The following ARHGAP10 variants were observed in gnomAD, a reference collection of about 807,000 sequenced individuals.
The protein encoded by ARHGAP10 is Rho GTPase activating protein 10.
A neutral mutation model predicts 108.6 loss-of-function variants in ARHGAP10; 87 were observed. The ratio of observed to expected loss-of-function variants is 0.80; its 90% CI spans 0.67 to 0.96. The LOEUF is 0.96. Ranked by LOEUF, ARHGAP10 falls within the 40% of genes least tolerant of loss-of-function variation. The pLI, the probability that ARHGAP10 is intolerant of heterozygous loss-of-function variation, is 0.00. For synonymous variants in ARHGAP10, 347 were observed against 341.1 expected, an observed-to-expected ratio of 1.02 and a Z score of -0.19; for missense variants, 939 against 954.5, an observed-to-expected ratio of 0.98 and a Z score of 0.21.
intron 1 of ARHGAP10, among the ~76,000 whole-genome samples, chr4:147,781,480 T>C (rs1356477162): frequency 6.6e-6 from 1 of 152,196 alleles, no homozygotes; most frequent in Non-Finnish European, 1.5e-5. Flanking sequence ...TACTTTTACA[T>C]CTTAAATACC....
chr4:147,864,880 T>G lies in ARHGAP10; in HGVS notation c.521T>G (p.Phe174Cys). The G allele has an allele frequency of 6.2e-7, 1 of 1,614,124 alleles. No homozygotes were observed. The highest frequency in any genetic ancestry group is 8.5e-7 in the Non-Finnish European group (1 of 1,180,004). ...CAAGTAGAGCAGAACCGGCAACACT[T>G]CTATGAACTGTCTCTCGAGTATGTG... Reference protein sequence around the residue: ...DIQVEQNRQHFYELSLEYVCK... With the variant: ...DIQVEQNRQHCYELSLEYVCK... Residue 174 changes from phenylalanine to cysteine, a missense_variant, in exon 6 of 23, where the codon TTC becomes TGC. Coordinates refer to ENST00000336498, the MANE Select transcript of ARHGAP10 (RefSeq NM_024605.4).
chr4:147,838,315 T>C (rs1489821922), intron 3 of ARHGAP10, among the ~76,000 whole-genome samples: 2 of 152,100 alleles, frequency 1.3e-5, no homozygotes, highest in Non-Finnish European at 2.9e-5. Context: ...TTAAAAAACT[T>C]ATTCCTGAAC....
chr4:148,030,004 C>G (rs374620304), intron 19 of ARHGAP10, among the ~76,000 whole-genome samples: 3 of 151,642 alleles, frequency 2.0e-5, no homozygotes, highest in Admixed American at 6.6e-5. Flanking sequence ...TCCCCCCCCC[C>G]ACCAACCCCA....
chr4:147,945,167 A>T (rs1042444566), intron 14 of ARHGAP10, among the ~76,000 whole-genome samples: 1 of 152,130 alleles, frequency 6.6e-6, no homozygotes, highest in Non-Finnish European at 1.5e-5. Flanking sequence ...GTACCAGCCC[A>T]GAGTTCTAAG....
At chr4:147,732,843 C>T (rs1426451659) in intron 1 of ARHGAP10, among the ~76,000 whole-genome samples, 4 of 152,220 alleles carry the variant, frequency 2.6e-5, no homozygotes, top group East Asian at 1.9e-4. Flanking sequence ...AAAACCGAGG[C>T]ATCTGTTTGC....
chr4:147,966,645 G>C (rs950862083), intron 17 of ARHGAP10, 35 bp from the exon 18 acceptor site: 2 of 1,516,964 alleles, frequency 1.3e-6, no homozygotes, highest in Admixed American at 3.9e-5. Flanking sequence ...TTGCTCCTTT[G>C]GTTAAACAGA....
At chr4:147,963,426 G>A (rs1205524329) in intron 16 of ARHGAP10, among the ~76,000 whole-genome samples, 3 of 152,154 alleles carry the variant, frequency 2.0e-5, no homozygotes, top group Non-Finnish European at 4.4e-5. Context: ...TCTGTCAGCA[G>A]TAAATTTAGA....
At chr4:147,922,730 C>G (rs1031088925) in intron 13 of ARHGAP10, among the ~76,000 whole-genome samples, 6 of 152,026 alleles carry the variant, frequency 3.9e-5, no homozygotes, top group Admixed American at 3.3e-4. Context: ...CTACCTCCCA[C>G]CCAGCTTTGT....
At chr4:147,913,265 G>T in intron 13 of ARHGAP10, 126 bp downstream of exon 13, 1 of 776,490 alleles carries the variant, frequency 1.3e-6, no homozygotes, top group South Asian at 1.7e-5. Flanking sequence ...CTCATTCTGA[G>T]TATCAGAAGG....
Position 147,906,711 on chromosome 4 carries a change from A to G in ARHGAP10, c.1108A>G (p.Lys370Glu). 1 of 1,614,176 alleles carries G rather than the reference A, an allele frequency of 6.2e-7. No individual in the cohort carries two copies. The highest frequency in any genetic ancestry group is 8.5e-7 in the Non-Finnish European group (1 of 1,179,998). The change falls in exon 11 of 23, where the codon AAG becomes GAG. Residue 370 changes from lysine (K) to glutamate (E), a missense_variant. Transcript: ENST00000336498. ...GCAGTGGTTGGAAGCTCTGGGTGGA[A>G]AGGAAGCTGTAAGAATAATCAATGG... ...RKQWLEALGG[K>E]EALSHSFNTA...
chr4:147,734,005 A>C (rs1488321808), intron 1 of ARHGAP10, among the ~76,000 whole-genome samples: 1 of 788 alleles, frequency 1.3e-3, no homozygotes, highest in African/African-American at 2.3e-3. Flanking sequence ...GGTGGGAAGT[A>C]GGGGGGCGCC....
chr4:147,895,389 G>A (rs111286686), intron 10 of ARHGAP10, among the ~76,000 whole-genome samples: 11 of 151,742 alleles, frequency 7.2e-5, no homozygotes, highest in African/African-American at 2.7e-4. Flanking sequence ...AACAGCCTTA[G>A]GGCCAGGCAT....
rs893040545 is a variant in ARHGAP10 at position 147,795,761 on chromosome 4, C to G, written c.155-26966C>G. Among the ~76,000 whole-genome samples the G allele has an allele frequency of 2.0e-5, 3 of 150,366 alleles. No homozygotes were observed. The East Asian group carries it at 5.8e-4, about 29-fold the overall frequency. On this transcript the variant is annotated intron_variant, in intron 1 of 22. Coordinates refer to ENST00000336498, the MANE Select transcript of ARHGAP10 (RefSeq NM_024605.4). ...CCAGGCTGGAGTGCTGTGGCGTGATCTTGGCTCACTGTAACTTCTGCCTCC... is the reference window on the plus strand; with the variant it reads ...CCAGGCTGGAGTGCTGTGGCGTGATGTTGGCTCACTGTAACTTCTGCCTCC...
chr4:147,800,982 A>G (rs1227224578), intron 1 of ARHGAP10, among the ~76,000 whole-genome samples: 3 of 151,986 alleles, frequency 2.0e-5, no homozygotes, highest in South Asian at 2.1e-4. Context: ...ATTTTTGTAT[A>G]TTTAGTAGAG....
chr4:147,764,990 G>A (rs956757194), intron 1 of ARHGAP10, among the ~76,000 whole-genome samples: 1 of 152,172 alleles, frequency 6.6e-6, no homozygotes, highest in Non-Finnish European at 1.5e-5. Flanking sequence ...CCACAAAAAT[G>A]CCCAAGTACA....
chr4:147,998,767 G>GAAGTA (rs1560866791), intron 18 of ARHGAP10, among the ~76,000 whole-genome samples: 1 of 152,170 alleles, frequency 6.6e-6, no homozygotes, highest in Non-Finnish European at 1.5e-5. Flanking sequence ...ACATTAATTC[G>GAAGTA]TGATACCATA....
chr4:148,017,311 T>C (rs1211671251), intron 18 of ARHGAP10, among the ~76,000 whole-genome samples: 3 of 152,170 alleles, frequency 2.0e-5, no homozygotes, highest in Non-Finnish European at 4.4e-5. Context: ...AATTTATTTT[T>C]TTAATAGAAG....
At chr4:148,070,100 T>C (rs555158177) in intron 22 of ARHGAP10, among the ~76,000 whole-genome samples, 1 of 152,324 alleles carries the variant, frequency 6.6e-6, no homozygotes, top group South Asian at 2.1e-4. Context: ...CTGGGTCTCA[T>C]GTTATATGTG....
chr4:147,928,234 C>T (rs887875961), intron 13 of ARHGAP10, among the ~76,000 whole-genome samples: 5 of 152,168 alleles, frequency 3.3e-5, no homozygotes, highest in South Asian at 2.1e-4. Context: ...TCCAAAAATA[C>T]GGGTTTAGAC....
Sources: gnomAD v4.1 joint callset for allele counts (sites outside exome capture counted in the v4.1 genomes callset) on GRCh38, gnomAD v4.1.1 for gene constraint, MANE v1.5 for transcripts, NCBI Gene and HGNC (gene_info 2026-07-23, HGNC 2026-07-21) for gene names.